Variants in LAMC3 observed in about 807,000 individuals in gnomAD.
LAMC3 encodes laminin subunit gamma-3.
Under a neutral mutation model 173.8 loss-of-function variants are expected in LAMC3, and 128 were observed. That is an observed-to-expected ratio of 0.74 (90% CI 0.64 to 0.85). The LOEUF is 0.85. Ranked by LOEUF, LAMC3 falls within the 40% of genes least tolerant of loss-of-function variation. The pLI is 0.00. For missense variants in LAMC3, 2,022 were observed against 2,156.0 expected, an observed-to-expected ratio of 0.94 and a Z score of 1.23; for synonymous variants, 897 against 909.1, an observed-to-expected ratio of 0.99 and a Z score of 0.24.
chr9:131,063,952 G>A (rs1415083534), intron 13 of LAMC3, among the ~76,000 whole-genome samples: 1 of 152,110 alleles, frequency 6.6e-6, no homozygotes, highest in African/African-American at 2.4e-5. Flanking sequence ...CTGTCCCCCA[G>A]GCTGGAGTGC....
chr9:131,086,324 T>C (rs1830330072), intron 25 of LAMC3, among the ~76,000 whole-genome samples: 1 of 151,738 alleles, frequency 6.6e-6, no homozygotes, highest in Non-Finnish European at 1.5e-5. Context: ...ATGATCCACC[T>C]ACCTTGGCCT....
chr9:131,032,074 C>T lies in LAMC3; in HGVS notation c.708C>T (p.Ile236=), dbSNP rs138847934. ...GGGTCACCAGCACCGAACTCCTCATCTCTCTAGACCGGCTCAACACGTTTG... is the reference window on the plus strand; with the variant it reads ...GGGTCACCAGCACCGAACTCCTCATTTCTCTAGACCGGCTCAACACGTTTG... ...QEWVTSTELL[I]SLDRLNTFGD... Residue 236 remains isoleucine, a synonymous_variant, in exon 3 of 28, where the codon ATC becomes ATT. Transcript: ENST00000361069. The T allele has an allele frequency of 3.2e-4, 521 of 1,614,122 alleles. 2 individuals are homozygous for T. Among genetic ancestry groups the T allele is most frequent in the Middle Eastern group, 2.8e-3 (17 of 6,062 alleles).
chr9:131,050,075 T>TG (rs1834252117), intron 9 of LAMC3, among the ~76,000 whole-genome samples: 1 of 152,188 alleles, frequency 6.6e-6, no homozygotes, highest in Non-Finnish European at 1.5e-5. Flanking sequence ...GGGCCCCTCG[T>TG]GGGGCAGGCG....
At chr9:131,057,262 T>TG (rs1834426124) in intron 12 of LAMC3, 115 bp downstream of exon 12, 4 of 876,498 alleles carry the variant, frequency 4.6e-6, no homozygotes, top group South Asian at 2.7e-5. Flanking sequence ...GGCCAAGCTG[T>TG]GGGGCAGTGC....
At chr9:131,052,432 A>G (rs1834306895) in intron 9 of LAMC3, 59 bp from the exon 10 acceptor site, 1 of 1,401,654 alleles carries the variant, frequency 7.1e-7, no homozygotes, top group Admixed American at 1.7e-5. Flanking sequence ...ATCAACATAG[A>G]CATTTAAAAT....
chr9:131,012,043 G>C (rs1000664916), intron 1 of LAMC3, among the ~76,000 whole-genome samples: 2 of 129,312 alleles, frequency 1.5e-5, no homozygotes, highest in Non-Finnish European at 1.6e-5. Flanking sequence ...TGAATGTAGA[G>C]AGCGAACACA....
rs1329688835 is a variant in LAMC3, at chr9:131,052,919, C to A, written c.1893C>A (p.Asn631Lys). The A allele has an allele frequency of 3.1e-6, 5 of 1,613,748 alleles. No homozygotes were observed. The African/African-American group carries it at 5.3e-5, about 17-fold the overall frequency. ...PPFHFQRLLA[N>K]LTSLRLRVSP... ...TCCACTTCCAGCGGCTCCTCGCCAA[C>A]CTGACCAGCCTCCGCCTCCGCGTCA... The change falls in exon 11 of 28, where the codon AAC becomes AAA. Residue 631 changes from asparagine to lysine, a missense_variant. By Grantham distance (94) the Asn-to-Lys change is moderately conservative. Transcript: ENST00000361069.
At chr9:131,048,574 G>A (rs1166446640) in intron 8 of LAMC3, among the ~76,000 whole-genome samples, 1 of 152,154 alleles carries the variant, frequency 6.6e-6, no homozygotes, top group Admixed American at 6.5e-5. Context: ...GTGGCCAGAG[G>A]GAGGAGGCAC....
Position 131,029,191 on chromosome 9 carries a change from G to A in LAMC3, c.678+2602G>A, listed in dbSNP as rs904601560. On this transcript the variant is annotated intron_variant, in intron 2 of 27. Transcript: ENST00000361069. The surrounding 1 kb of genome is among the most constrained non-coding windows in gnomAD (Gnocchi z 4.6). ...GTCACTCCCCTGGATCCAGGGCAAA[G>A]GGCCAGGCCCCTCTTTGGGCAAGCC... Among the ~76,000 whole-genome samples the A allele has an allele frequency of 2.0e-5, 3 of 152,234 alleles. No homozygotes were observed. Among genetic ancestry groups the A allele is most frequent in the Non-Finnish European group, 4.4e-5 (3 of 68,040 alleles).
In LAMC3 at chr9:131,067,137, A is replaced by T. The variant is rs756374476; in HGVS notation, c.2525A>T (p.His842Leu). The change falls in exon 14 of 28, where the codon CAC (histidine) becomes CTC (leucine). Residue 842 changes from histidine to leucine, a missense_variant. Coordinates refer to ENST00000361069, the MANE Select transcript of LAMC3 (RefSeq NM_006059.4). Reference sequence around the variant, plus strand: ...TGCCTGCACAACACCACGGGTGACCACTGTGAGCACTGTCAGGAAGGCTTC... The same window carrying T: ...TGCCTGCACAACACCACGGGTGACCTCTGTGAGCACTGTCAGGAAGGCTTC... ...LRCLHNTTGD[H>L]CEHCQEGFYG... is the part of the protein sequence containing the mutation. 3.7e-6 allele frequency: 6 copies of T among 1,614,010 alleles called. No individual in the cohort carries two copies. The highest frequency in any genetic ancestry group is 4.2e-6 in the Non-Finnish European group (5 of 1,180,028).
chr9:131,068,515 G>T (rs957760287), intron 15 of LAMC3, among the ~76,000 whole-genome samples: 3 of 152,156 alleles, frequency 2.0e-5, no homozygotes, highest in Non-Finnish European at 4.4e-5. Context: ...TCCCTGGGTG[G>T]CCTTTTGGCC....
intron 9 of LAMC3, among the ~76,000 whole-genome samples, chr9:131,051,965 T>C (rs546021335): frequency 6.6e-6 from 1 of 152,306 alleles, no homozygotes; most frequent in East Asian, 1.9e-4. Context: ...AGAAAACTAG[T>C]GCCTTCTTTC....
At chr9:131,028,232 G>A (rs569756262) in intron 2 of LAMC3, among the ~76,000 whole-genome samples, 1 of 152,302 alleles carries the variant, frequency 6.6e-6, no homozygotes, top group Non-Finnish European at 1.5e-5. Context: ...AGGTGGAACA[G>A]TTTCATCCCA....
chr9:131,068,407 C>A (rs1055269325), intron 15 of LAMC3, among the ~76,000 whole-genome samples, 176 bp downstream of exon 15: 4 of 152,234 alleles, frequency 2.6e-5, no homozygotes, highest in African/African-American at 9.6e-5. Flanking sequence ...CCGACTCATG[C>A]TCCTGCCAGC....
chr9:131,080,098 GA>G (rs1402529006), intron 23 of LAMC3, among the ~76,000 whole-genome samples: 1 of 152,074 alleles, frequency 6.6e-6, no homozygotes, highest in Non-Finnish European at 1.5e-5. Context: ...TCAGCCTCCA[GA>G]GTAACTGGGA....
chr9:131,086,984 C>T (rs1830343144), intron 25 of LAMC3, among the ~76,000 whole-genome samples: 1 of 152,184 alleles, frequency 6.6e-6, no homozygotes, highest in African/African-American at 2.4e-5. Flanking sequence ...CTCAGCCTCC[C>T]AAAGTGCTGG....
At chr9:131,021,639 C>T (rs1833627312) in intron 1 of LAMC3, among the ~76,000 whole-genome samples, 1 of 152,150 alleles carries the variant, frequency 6.6e-6, no homozygotes, top group African/African-American at 2.4e-5. Context: ...AGTTCCAACA[C>T]GATCTAGTCA....
At chr9:131,085,835 A>G in intron 25 of LAMC3, 112 bp downstream of exon 25, 4 of 1,023,258 alleles carry the variant, frequency 3.9e-6, no homozygotes, top group South Asian at 2.7e-5. Context: ...CTCACTGCTC[A>G]GTGGGCCCAG....
intron 11 of LAMC3, 83 bp from the exon 12 acceptor site, chr9:131,056,846 T>C: frequency 9.6e-7 from 1 of 1,036,584 alleles, no homozygotes; most frequent in Non-Finnish European, 1.5e-6. Flanking sequence ...GCCTGGTCCA[T>C]ATGTGAACAG....
Sources: gnomAD v4.1 joint callset for allele counts (sites outside exome capture counted in the v4.1 genomes callset) on GRCh38, gnomAD v4.1.1 for gene constraint, Gnocchi (gnomAD v3.1) non-coding constraint, MANE v1.5 for transcripts, NCBI Gene and HGNC (gene_info 2026-07-23, HGNC 2026-07-21) for gene names.